DCC: variants seen among roughly 807,000 people sequenced by gnomAD.
The protein encoded by DCC is netrin receptor DCC.
DCC carries 58 observed loss-of-function variants against 172.5 expected under a neutral mutation model. The observed-to-expected ratio is 0.34, with a 90% CI of 0.27 to 0.42. DCC has a LOEUF of 0.42. Ranked by LOEUF, DCC falls within the 10% of genes least tolerant of loss-of-function variation. The probability of loss-of-function intolerance (pLI) is 1.00; values close to 1 mark genes in which losing one functional copy is unlikely to be tolerated. For synonymous variants in DCC, 709 were observed against 644.5 expected, an observed-to-expected ratio of 1.10 and a Z score of -1.52; for missense variants, 1,740 against 1,791.0, an observed-to-expected ratio of 0.97 and a Z score of 0.51.
chr18:53,163,657 G>A (rs753313067), intron 8 of DCC, among the ~76,000 whole-genome samples: 2 of 152,190 alleles, frequency 1.3e-5, no homozygotes, highest in Admixed American at 6.5e-5. Flanking sequence ...ACCCCTTGGG[G>A]TGCTTTTATT....
chr18:53,403,118 A>T (rs1156449913), intron 19 of DCC, among the ~76,000 whole-genome samples: 1 of 125,722 alleles, frequency 8.0e-6, no homozygotes, highest in Non-Finnish European at 1.7e-5. Context: ...ACACACACAC[A>T]CGTCATTTGA....
intron 2 of DCC, among the ~76,000 whole-genome samples, chr18:52,775,169 C>T (rs551513267): frequency 6.6e-6 from 1 of 152,046 alleles, no homozygotes; most frequent in African/African-American, 2.4e-5. Context: ...GTTCGCCTGT[C>T]CCCCTCGCAG....
chr18:52,401,433 C>T (rs1986436800), intron 1 of DCC, among the ~76,000 whole-genome samples: 1 of 152,008 alleles, frequency 6.6e-6, no homozygotes, highest in African/African-American at 2.4e-5. Flanking sequence ...ATATTCTAAC[C>T]ATTTACTGAC....
intron 2 of DCC, among the ~76,000 whole-genome samples, chr18:52,856,308 G>C (rs1029225107): frequency 6.6e-6 from 1 of 151,924 alleles, no homozygotes; most frequent in African/African-American, 2.4e-5. Context: ...AACTTAAGAT[G>C]ATAGAATTAC....
intron 7 of DCC, among the ~76,000 whole-genome samples, chr18:53,079,176 C>A (rs771715638): frequency 6.6e-6 from 1 of 152,066 alleles, no homozygotes; most frequent in Non-Finnish European, 1.5e-5. Context: ...GCCTTGTCTT[C>A]TTGATTTCAT....
chr18:52,706,588 G>A (rs2145046338), intron 1 of DCC, among the ~76,000 whole-genome samples: 1 of 152,232 alleles, frequency 6.6e-6, no homozygotes, highest in South Asian at 2.1e-4. Flanking sequence ...CAGAGCATTT[G>A]TTACCAAGAA....
chr18:53,468,342 T>TTTATTTATTTA (rs1701520580), intron 25 of DCC, among the ~76,000 whole-genome samples: 1 of 131,026 alleles, frequency 7.6e-6, no homozygotes, highest in Non-Finnish European at 1.6e-5. Context: ...CATAGTTTAT[T>TTTATTTATTTA]TTTATTTATT....
intron 5 of DCC, among the ~76,000 whole-genome samples, chr18:53,061,668 T>A (rs7242052): frequency 0.25 from 38,091 of 151,956 alleles, 5,068 homozygotes; most frequent in East Asian, 0.37. Flanking sequence ...AAAGAGACAG[T>A]TATAGCAAAT....
At chr18:53,432,388 T>C (rs1411530916) in intron 21 of DCC, among the ~76,000 whole-genome samples, 1 of 152,172 alleles carries the variant, frequency 6.6e-6, no homozygotes, top group Admixed American at 6.5e-5. Context: ...ATGCGTTGCA[T>C]GTAGTAAGCA....
At chr18:53,485,531 C>G (rs2045890374) in intron 25 of DCC, among the ~76,000 whole-genome samples, 1 of 152,026 alleles carries the variant, frequency 6.6e-6, no homozygotes. Context: ...AGCAGAGTCA[C>G]TCTTCATTTT....
intron 2 of DCC, among the ~76,000 whole-genome samples, chr18:52,807,525 C>T (rs970963962): frequency 3.2e-5 from 3 of 93,658 alleles, no homozygotes; most frequent in Non-Finnish European, 8.7e-5. Context: ...ATATTGAAAG[C>T]ACAGCTATTA....
intron 5 of DCC, among the ~76,000 whole-genome samples, chr18:53,040,262 T>C (rs894324100): frequency 1.4e-4 from 22 of 151,984 alleles, no homozygotes; most frequent in African/African-American, 5.3e-4. Context: ...ATTCTCTCTT[T>C]AAATCCCAAC....
intron 2 of DCC, among the ~76,000 whole-genome samples, chr18:52,788,431 G>A (rs1181053439): frequency 6.6e-6 from 1 of 152,134 alleles, no homozygotes; most frequent in African/African-American, 2.4e-5. Flanking sequence ...TGTAAAGCAT[G>A]CAGTATACAA....
chr18:52,765,246 T>C, intron 2 of DCC, among the ~76,000 whole-genome samples: 1 of 144,270 alleles, frequency 6.9e-6, no homozygotes. Flanking sequence ...GGGGTCACCA[T>C]GTTGGCCAGG....
intron 1 of DCC, among the ~76,000 whole-genome samples, chr18:52,678,343 G>A (rs1047479392): frequency 2.0e-5 from 3 of 152,020 alleles, no homozygotes; most frequent in Admixed American, 6.6e-5. Flanking sequence ...ATGGTCTTTG[G>A]GGTAGTATTA....
At chr18:53,020,334 C>T (rs888202505) in intron 5 of DCC, among the ~76,000 whole-genome samples, 1 of 152,058 alleles carries the variant, frequency 6.6e-6, no homozygotes, top group African/African-American at 2.4e-5. Flanking sequence ...AAAATTGCAA[C>T]ATATTGCAGA....
At chr18:53,088,425 A>G (rs1400914204) in intron 7 of DCC, among the ~76,000 whole-genome samples, 1 of 152,154 alleles carries the variant, frequency 6.6e-6, no homozygotes, top group East Asian at 1.9e-4. Context: ...GGTGTATAAG[A>G]ATGCTTGTGA....
At chr18:52,783,177 A>T (rs1428717485) in intron 2 of DCC, among the ~76,000 whole-genome samples, 1 of 152,058 alleles carries the variant, frequency 6.6e-6, no homozygotes. Flanking sequence ...TTCAATTTAT[A>T]TAAGCTGTCA....
chr18:52,890,553 A>ACTT (rs2039633581), intron 2 of DCC, among the ~76,000 whole-genome samples: 2 of 152,138 alleles, frequency 1.3e-5, no homozygotes, highest in African/African-American at 4.8e-5. Context: ...TTAGGTTAAC[A>ACTT]CTTTGTAAAT....
Sources: allele counts gnomAD v4.1 joint callset (sites outside exome capture counted in the v4.1 genomes callset), GRCh38; gene constraint gnomAD v4.1.1; transcripts MANE v1.5; gene names NCBI Gene and HGNC (gene_info 2026-07-23, HGNC 2026-07-21).